Variants in LRP1B observed in about 807,000 individuals in gnomAD.
LRP1B encodes LDL receptor related protein 1B, also known as low-density lipoprotein receptor-related protein 1B.
LRP1B carries 217 observed loss-of-function variants against 556.6 expected under a neutral mutation model. That is an observed-to-expected ratio of 0.39 (90% CI 0.35 to 0.44). The LOEUF is 0.44. Among genes scored for constraint, LRP1B ranks in the 20% least tolerant of loss-of-function variants. The pLI, the probability that LRP1B is intolerant of heterozygous loss-of-function variation, is 1.00. For synonymous variants in LRP1B, 2,047 were observed against 1,865.8 expected (o/e 1.10, Z -2.50); for missense variants, 5,053 against 5,620.8 (o/e 0.90, Z 3.23).
intron 84 of LRP1B, among the ~76,000 whole-genome samples, chr2:140,275,477 G>T (rs941003176): frequency 3.3e-5 from 5 of 151,932 alleles, no homozygotes; most frequent in African/African-American, 1.2e-4. Context: ...AGTCAAAGTG[G>T]CAGTCAGCCA....
chr2:141,403,992 AT>A (rs1559051584), intron 3 of LRP1B, among the ~76,000 whole-genome samples: 2 of 152,172 alleles, frequency 1.3e-5, no homozygotes, highest in Non-Finnish European at 2.9e-5. Flanking sequence ...TCTCTTTGGC[AT>A]TCTTCTTTCT....
At chr2:141,589,495 C>T (rs1687258591) in intron 2 of LRP1B, among the ~76,000 whole-genome samples, 1 of 152,164 alleles carries the variant, frequency 6.6e-6, no homozygotes, top group Non-Finnish European at 1.5e-5. Context: ...ACACATTTAA[C>T]TACTATCATT....
intron 2 of LRP1B, among the ~76,000 whole-genome samples, chr2:141,623,612 C>T (rs1688583799): frequency 6.6e-6 from 1 of 152,104 alleles, no homozygotes; most frequent in Admixed American, 6.5e-5. Context: ...TCACCTTAGA[C>T]TTCACCCACT....
At chr2:141,025,049 G>A (rs1369116166) in intron 11 of LRP1B, among the ~76,000 whole-genome samples, 2 of 152,064 alleles carry the variant, frequency 1.3e-5, no homozygotes, top group Non-Finnish European at 1.5e-5. Context: ...AGAAATGTGA[G>A]AGATCCATGG....
intron 83 of LRP1B, among the ~76,000 whole-genome samples, chr2:140,305,469 A>G (rs1489390728): frequency 1.3e-5 from 2 of 152,128 alleles, no homozygotes; most frequent in Non-Finnish European, 2.9e-5. Flanking sequence ...TTATTGCTGT[A>G]TAGGAATGCT....
chr2:141,492,236 A>C (rs888103347), intron 2 of LRP1B, among the ~76,000 whole-genome samples: 3 of 152,126 alleles, frequency 2.0e-5, no homozygotes, highest in Non-Finnish European at 4.4e-5. Context: ...ATTTCTGGTC[A>C]AATGAGCTCA....
At chr2:141,106,691 A>G (rs962305124) in intron 7 of LRP1B, among the ~76,000 whole-genome samples, 21 of 152,152 alleles carry the variant, frequency 1.4e-4, no homozygotes, top group African/African-American at 4.8e-4. Flanking sequence ...TAGGGTCTGT[A>G]AATACCCCTA....
At chr2:141,939,815 C>A (rs147593014) in intron 1 of LRP1B, among the ~76,000 whole-genome samples, 1 of 152,132 alleles carries the variant, frequency 6.6e-6, no homozygotes, top group African/African-American at 2.4e-5. Flanking sequence ...GCAAACACTA[C>A]AATAAGGTAT....
At chr2:141,209,182 T>G (rs866037833) in intron 6 of LRP1B, among the ~76,000 whole-genome samples, 1 of 152,096 alleles carries the variant, frequency 6.6e-6, no homozygotes, top group South Asian at 2.1e-4. Context: ...AAATCTCACC[T>G]TGAATTGTAG....
intron 41 of LRP1B, among the ~76,000 whole-genome samples, chr2:140,677,460 GA>G (rs1474431090): frequency 1.1e-4 from 17 of 151,530 alleles, no homozygotes; most frequent in Non-Finnish European, 1.5e-5. Flanking sequence ...AACAGAGAGA[GA>G]GAAAAAAAAC....
At chr2:140,775,667 G>C (rs1249369345) in intron 33 of LRP1B, among the ~76,000 whole-genome samples, 3 of 151,778 alleles carry the variant, frequency 2.0e-5, no homozygotes, top group Non-Finnish European at 4.4e-5. Context: ...ACACAATTTG[G>C]ACAAGCAAAA....
At chr2:141,178,293 A>G (rs1211737862) in intron 7 of LRP1B, among the ~76,000 whole-genome samples, 2 of 152,078 alleles carry the variant, frequency 1.3e-5, no homozygotes, top group Non-Finnish European at 2.9e-5. Context: ...CACAGAGAAA[A>G]AAATAAGGCT....
At chr2:141,961,150 A>G (rs1490958731) in intron 1 of LRP1B, among the ~76,000 whole-genome samples, 2 of 151,662 alleles carry the variant, frequency 1.3e-5, no homozygotes, top group African/African-American at 4.8e-5. Context: ...CCGAGAGGTA[A>G]TTTGGCCAAA....
chr2:141,305,756 A>T (rs538650133), intron 3 of LRP1B, among the ~76,000 whole-genome samples: 1 of 152,312 alleles, frequency 6.6e-6, no homozygotes, highest in Admixed American at 6.5e-5. Context: ...ATGTTGATGT[A>T]TGTTCCTTCT....
chr2:140,367,764 C>T (rs1481447516), intron 71 of LRP1B, among the ~76,000 whole-genome samples: 1 of 151,726 alleles, frequency 6.6e-6, no homozygotes, highest in African/African-American at 2.4e-5. Flanking sequence ...CATAAAGATT[C>T]TAATGACTAA....
intron 2 of LRP1B, among the ~76,000 whole-genome samples, chr2:141,800,968 G>T (rs1304597857): frequency 2.0e-5 from 3 of 152,146 alleles, no homozygotes; most frequent in African/African-American, 7.2e-5. Context: ...AAGTGAAAAT[G>T]AATAATGTAT....
chr2:141,212,342 C>A (rs1446282701), intron 6 of LRP1B, among the ~76,000 whole-genome samples: 1 of 133,296 alleles, frequency 7.5e-6, no homozygotes, highest in African/African-American at 2.8e-5. Context: ...GCAGTGGCAC[C>A]ATCTCGGCTC....
At chr2:141,216,242 C>T (rs1050734554) in intron 6 of LRP1B, among the ~76,000 whole-genome samples, 5 of 152,184 alleles carry the variant, frequency 3.3e-5, no homozygotes, top group South Asian at 2.1e-4. Context: ...AGATACACCT[C>T]GAACTGCCAC....
At chr2:141,596,914 G>T (rs1231185345) in intron 2 of LRP1B, among the ~76,000 whole-genome samples, 1 of 151,730 alleles carries the variant, frequency 6.6e-6, no homozygotes, top group African/African-American at 2.4e-5. Flanking sequence ...ATGATGAATG[G>T]TTATTTTATG....
Sources: gnomAD v4.1 joint callset for allele counts (sites outside exome capture counted in the v4.1 genomes callset) on GRCh38, gnomAD v4.1.1 for gene constraint, MANE v1.5 for transcripts, NCBI Gene and HGNC (gene_info 2026-07-23, HGNC 2026-07-21) for gene names.